Variants in ROBO1 observed in about 807,000 individuals in gnomAD.
ROBO1 encodes the protein roundabout homolog 1.
A neutral mutation model predicts 195.9 loss-of-function variants in ROBO1; 149 were observed. The ratio of observed to expected loss-of-function variants is 0.76; its 90% CI spans 0.67 to 0.87. The LOEUF (loss-of-function observed/expected upper bound fraction) is 0.87. Among genes scored for constraint, ROBO1 ranks in the 40% least tolerant of loss-of-function variants. ROBO1 has a pLI of 0.00. For missense variants in ROBO1, 1,933 were observed against 2,068.3 expected, an observed-to-expected ratio of 0.93 and a Z score of 1.27; for synonymous variants, 816 against 733.2, an observed-to-expected ratio of 1.11 and a Z score of -1.82.
intron 4 of ROBO1, among the ~76,000 whole-genome samples, chr3:78,841,669 C>T (rs1283922054): frequency 6.6e-6 from 1 of 152,094 alleles, no homozygotes; most frequent in Non-Finnish European, 1.5e-5. Context: ...CCCCAATTTT[C>T]TGTACTGCAC....
intron 2 of ROBO1, among the ~76,000 whole-genome samples, chr3:79,440,567 A>C (rs1299294386): frequency 6.6e-6 from 1 of 152,112 alleles, no homozygotes; most frequent in Non-Finnish European, 1.5e-5. Context: ...CCTTGTCCTC[A>C]AACAAGCTCC....
At chr3:78,939,012 T>C (rs1267789670) in intron 3 of ROBO1, 85 bp from the exon 4 acceptor site, 1 of 1,200,164 alleles carries the variant, frequency 8.3e-7, no homozygotes, top group Non-Finnish European at 1.2e-6. Context: ...TAACCATTAC[T>C]ATTTAAACAC....
In ROBO1 at chr3:79,125,585, C is replaced by T. The variant is rs764635843; in HGVS notation, c.89-46G>A. ...GCTGCTGATGGGGTCACAGTAGTAA[C>T]AGTAGTTGCCATTTCGATCACAGCA... On this transcript the variant is annotated intron_variant, in intron 2 of 30. Transcript: ENST00000464233. 3.5e-6 allele frequency: 5 copies of T among 1,429,348 alleles called. No homozygotes were observed. The South Asian group carries it at 5.8e-5, about 17-fold the overall frequency. The allele number at this position is 1,429,348 out of a possible 1,614,324, so 88.5% of individuals were successfully genotyped here.
At chr3:79,133,526 C>T (rs1427384390) in intron 2 of ROBO1, among the ~76,000 whole-genome samples, 2 of 83,894 alleles carry the variant, frequency 2.4e-5, no homozygotes. Flanking sequence ...CCTTGGTTTT[C>T]AGCTCCATCA....
At chr3:79,394,446 C>T (rs1225342496) in intron 2 of ROBO1, among the ~76,000 whole-genome samples, 2 of 151,794 alleles carry the variant, frequency 1.3e-5, no homozygotes, top group Non-Finnish European at 2.9e-5. Context: ...ATAGTAATTA[C>T]TATATGTGCA....
chr3:79,634,951 T>C (rs1469594276), intron 1 of ROBO1, among the ~76,000 whole-genome samples: 1 of 152,212 alleles, frequency 6.6e-6, no homozygotes, highest in East Asian at 1.9e-4. Context: ...TGGAACTTAA[T>C]ATGTATCAGG....
At chr3:79,061,763 T>C (rs2078922459) in intron 3 of ROBO1, among the ~76,000 whole-genome samples, 1 of 152,178 alleles carries the variant, frequency 6.6e-6, no homozygotes, top group African/African-American at 2.4e-5. Flanking sequence ...GGATTCCCTA[T>C]TTAATAAATG....
chr3:78,970,241 GATA>G (rs1210735011), intron 3 of ROBO1, among the ~76,000 whole-genome samples: 3 of 152,102 alleles, frequency 2.0e-5, no homozygotes, highest in Admixed American at 1.3e-4. Flanking sequence ...CTGTAGGACT[GATA>G]ATAATATTTA....
Position 79,505,990 on chromosome 3 carries a change from A to G in ROBO1, c.88+83834T>C, listed in dbSNP as rs548308400. ...CATTTGTGGAAGAGCAACTAACTGA[A>G]GTAAACCAAAATACTAACTATATTA... is the stretch of plus-strand genomic sequence containing the variant. On this transcript the variant is annotated intron_variant, in intron 2 of 30. Transcript: ENST00000464233. Among the ~76,000 whole-genome samples the G allele has an allele frequency of 2.0e-5, 3 of 152,304 alleles. No individual in the cohort carries two copies. In the East Asian group the frequency reaches 5.8e-4, roughly 29 times the overall value.
intron 2 of ROBO1, among the ~76,000 whole-genome samples, chr3:79,284,829 T>C (rs2031782975): frequency 6.6e-6 from 1 of 152,162 alleles, no homozygotes; most frequent in Non-Finnish European, 1.5e-5. Flanking sequence ...TCTTAATTCA[T>C]AAATCTTTAC....
At chr3:79,728,184 G>A (rs1703000451) in intron 1 of ROBO1, among the ~76,000 whole-genome samples, 1 of 151,714 alleles carries the variant, frequency 6.6e-6, no homozygotes, top group Non-Finnish European at 1.5e-5. Flanking sequence ...ACTAAAGACT[G>A]TACTTTTTTT....
Position 78,636,023 on chromosome 3 carries a change from C to A in ROBO1, c.3123G>T (p.Val1041=). The A allele has an allele frequency of 6.2e-7, 1 of 1,613,784 alleles. No individual in the cohort carries two copies. Among genetic ancestry groups the A allele is most frequent in the Non-Finnish European group, 8.5e-7 (1 of 1,179,816 alleles). Residue 1041 remains valine, a synonymous_variant, in exon 23 of 31, where the codon GTG becomes GTT. Coordinates refer to ENST00000464233, the MANE Select transcript of ROBO1 (RefSeq NM_002941.4). Reference sequence around the variant, plus strand: ...TCTCATTGATTTTGTTACTAAGGTCCACATCACCATAAACAGTTGACTCAG... The same window carrying A: ...TCTCATTGATTTTGTTACTAAGGTCAACATCACCATAAACAGTTGACTCAG... ...MLPESTVYGD[V]DLSNKINEMK... is the part of the protein sequence containing the mutation.
At chr3:78,815,748 A>C (rs1476980235) in intron 4 of ROBO1, among the ~76,000 whole-genome samples, 1 of 152,086 alleles carries the variant, frequency 6.6e-6, no homozygotes, top group Non-Finnish European at 1.5e-5. Context: ...TTTTAATGAG[A>C]TTGCAGCAAT....
intron 2 of ROBO1, among the ~76,000 whole-genome samples, chr3:79,545,338 G>C (rs2107654026): frequency 6.6e-6 from 1 of 152,276 alleles, no homozygotes; most frequent in Admixed American, 6.5e-5. Context: ...AATCACTAAA[G>C]CAGACAGTGT....
chr3:79,716,449 C>A (rs1428895299), intron 1 of ROBO1, among the ~76,000 whole-genome samples: 1 of 151,752 alleles, frequency 6.6e-6, no homozygotes, highest in Non-Finnish European at 1.5e-5. Context: ...CAGTAAGGTA[C>A]CTGTATATTT....
chr3:79,279,445 T>C (rs915604433), intron 2 of ROBO1, among the ~76,000 whole-genome samples: 2 of 151,878 alleles, frequency 1.3e-5, no homozygotes, highest in South Asian at 4.2e-4. Flanking sequence ...ATCACTATTA[T>C]AAAAAAAAGA....
At chr3:79,522,690 T>C (rs992976466) in intron 2 of ROBO1, among the ~76,000 whole-genome samples, 15 of 152,186 alleles carry the variant, frequency 9.9e-5, no homozygotes, top group Non-Finnish European at 5.9e-5. Context: ...ACGGTGCATA[T>C]AGTAATGTAT....
chr3:78,615,971 A>G (rs1704088154), intron 27 of ROBO1, among the ~76,000 whole-genome samples: 1 of 152,168 alleles, frequency 6.6e-6, no homozygotes, highest in Admixed American at 6.6e-5. Flanking sequence ...AGTGCCATTA[A>G]ATTACAAAAC....
chr3:78,858,134 C>T (rs2034566057), intron 4 of ROBO1, among the ~76,000 whole-genome samples: 1 of 152,056 alleles, frequency 6.6e-6, no homozygotes, highest in South Asian at 2.1e-4. Flanking sequence ...AGTAGGGGGA[C>T]AGGGCTTTAA....
Sources: gnomAD v4.1 joint callset for allele counts (sites outside exome capture counted in the v4.1 genomes callset) on GRCh38, gnomAD v4.1.1 for gene constraint, MANE v1.5 for transcripts, NCBI Gene and HGNC (gene_info 2026-07-23, HGNC 2026-07-21) for gene names.